The following NPRL3 variants were observed in gnomAD, a reference collection of about 807,000 sequenced individuals.
NPRL3 encodes NPR3 like, GATOR1 complex subunit, also known as GATOR1 complex protein NPRL3.
In NPRL3, 23 loss-of-function variants were observed where a neutral mutation model predicts 57.2. The ratio of observed to expected loss-of-function variants is 0.40; its 90% confidence interval spans 0.29 to 0.57. The LOEUF is 0.57. Among genes scored for constraint, NPRL3 ranks in the 20% least tolerant of loss-of-function variants. NPRL3 has a pLI of 0.42. For missense variants in NPRL3, 691 were observed against 767.1 expected (o/e 0.90, Z 1.17); for synonymous variants, 333 against 321.1 (o/e 1.04, Z -0.39).
At chr16:88,579 C>T in intron 13 of NPRL3, 119 bp downstream of exon 13, 1 of 930,708 alleles carries the variant, frequency 1.1e-6, no homozygotes, top group East Asian at 2.7e-5. Flanking sequence ...GAGACTCCAT[C>T]TCGAACAGGG....
chr16:130,372 C>G, intron 3 of NPRL3, 150 bp downstream of exon 3: 2 of 751,706 alleles, frequency 2.7e-6, no homozygotes, highest in Non-Finnish European at 4.3e-6. Flanking sequence ...CAGTCCTCCA[C>G]TCTACACTAC....
chr16:104,369 G>C (rs1267379240), intron 7 of NPRL3, among the ~76,000 whole-genome samples: 2 of 152,156 alleles, frequency 1.3e-5, no homozygotes, highest in Non-Finnish European at 2.9e-5. Context: ...AGAAACTGGA[G>C]AGAGTTATAG....
chr16:138,079 C>T (rs1215933216), intron 2 of NPRL3, 71 bp downstream of exon 2: 5 of 1,184,924 alleles, frequency 4.2e-6, no homozygotes, highest in Non-Finnish European at 4.9e-6. Flanking sequence ...CGCGAGGCGG[C>T]CCTGGAATGA....
intron 12 of NPRL3, chr16:89,290 C>A (rs139359483): frequency 7.5e-6 from 2 of 266,998 alleles, no homozygotes; most frequent in Middle Eastern, 1.1e-3. Flanking sequence ...TCTTCCACCC[C>A]CTTCCTTCCC....
At chr16:119,986 C>T (rs28403605) in intron 3 of NPRL3, among the ~76,000 whole-genome samples, 1 of 152,268 alleles carries the variant, frequency 6.6e-6, no homozygotes, top group East Asian at 1.9e-4. Context: ...TTTTCAAGGT[C>T]ATCTGTGCCC....
intron 6 of NPRL3, among the ~76,000 whole-genome samples, chr16:111,939 G>A (rs183350): frequency 0.81 from 123,522 of 152,196 alleles, 50,544 homozygotes; most frequent in South Asian, 0.87. Flanking sequence ...GTTTGTTACA[G>A]GTGTCTCTTT....
chr16:135,069 T>A (rs1303864237), intron 2 of NPRL3, among the ~76,000 whole-genome samples: 1 of 152,136 alleles, frequency 6.6e-6, no homozygotes, highest in East Asian at 1.9e-4. Context: ...AAAAAATAGA[T>A]CCAAGTAAAC....
chr16:108,295 G>C (rs1287666892), intron 7 of NPRL3, among the ~76,000 whole-genome samples: 4 of 152,200 alleles, frequency 2.6e-5, no homozygotes, highest in Non-Finnish European at 4.4e-5. Context: ...AGATGCATCA[G>C]TGCATCACAA....
At chr16:119,736 G>A (rs1346864740) in intron 3 of NPRL3, among the ~76,000 whole-genome samples, 1 of 152,258 alleles carries the variant, frequency 6.6e-6, no homozygotes, top group African/African-American at 2.4e-5. Flanking sequence ...AGGGGACAGT[G>A]CACAGGGATG....
intron 13 of NPRL3, among the ~76,000 whole-genome samples, chr16:88,080 T>G (rs1898577885): frequency 6.6e-6 from 1 of 152,144 alleles, no homozygotes; most frequent in Non-Finnish European, 1.5e-5. Context: ...CGGGAAACTA[T>G]GCCCCTGCAC....
chr16:88,935 A>G, intron 12 of NPRL3, 45 bp from the exon 13 acceptor site: 1 of 1,568,966 alleles, frequency 6.4e-7, no homozygotes, highest in East Asian at 2.3e-5. Flanking sequence ...ATTCCAGGAC[A>G]CCCAGGGGAA....
At chr16:109,259 G>A (rs745556976) in intron 7 of NPRL3, among the ~76,000 whole-genome samples, 4 of 152,092 alleles carry the variant, frequency 2.6e-5, no homozygotes, top group Admixed American at 1.3e-4. Context: ...GAGTCACCAC[G>A]CCCGGCCTGC....
chr16:135,479 C>T (rs1443168162), intron 2 of NPRL3, among the ~76,000 whole-genome samples: 1 of 151,896 alleles, frequency 6.6e-6, no homozygotes, highest in African/African-American at 2.4e-5. Context: ...CGTGGTGGCA[C>T]GCACCTGTAA....
At chr16:127,747 C>T (rs546946289) in intron 3 of NPRL3, among the ~76,000 whole-genome samples, 7 of 151,786 alleles carry the variant, frequency 4.6e-5, no homozygotes, top group East Asian at 1.9e-4. Flanking sequence ...CTCCGCCTCC[C>T]GGGTTCACGC....
chr16:100,422 G>C lies in NPRL3; in HGVS notation c.717C>G (p.Ala239=). The change falls in exon 8 of 14, where the codon GCC becomes GCG. Residue 239 remains alanine, a synonymous_variant. Coordinates refer to ENST00000611875, the MANE Select transcript of NPRL3 (RefSeq NM_001077350.3). ...FCLPHKIHYA[A]SSLIPPEAIE... is the part of the protein sequence containing the mutation. Reference sequence around the variant, plus strand: ...TGGCCTCTGGGGGGATCAGACTGGAGGCCGCATAGTGGATCTTGTGGGGCA... The same window carrying C: ...TGGCCTCTGGGGGGATCAGACTGGACGCCGCATAGTGGATCTTGTGGGGCA... 1 of 1,605,008 alleles carries C rather than the reference G, an allele frequency of 6.2e-7. No homozygotes were observed. Among genetic ancestry groups the C allele is most frequent in the South Asian group, 1.1e-5 (1 of 89,542 alleles).
At chr16:129,904 C>T (rs556611235) in intron 3 of NPRL3, among the ~76,000 whole-genome samples, 3 of 152,252 alleles carry the variant, frequency 2.0e-5, no homozygotes, top group Non-Finnish European at 4.4e-5. Context: ...CCTATGTTAC[C>T]ATTTACTATG....
At chr16:96,422 T>C (rs1182435326) in intron 9 of NPRL3, among the ~76,000 whole-genome samples, 3 of 152,070 alleles carry the variant, frequency 2.0e-5, no homozygotes, top group Non-Finnish European at 4.4e-5. Flanking sequence ...TGCAGGGTTG[T>C]ATGGAGTGGT....
intron 3 of NPRL3, among the ~76,000 whole-genome samples, chr16:129,585 G>A (rs1441169900): frequency 6.6e-6 from 1 of 152,154 alleles, no homozygotes; most frequent in Non-Finnish European, 1.5e-5. Context: ...GGGAGGCCAA[G>A]GAAGGAAAAT....
Position 86,247 on chromosome 16 carries a change from C to T in NPRL3, c.*458G>A. On this transcript the variant is annotated 3_prime_UTR_variant, in exon 14 of 14. Coordinates refer to ENST00000611875, the MANE Select transcript of NPRL3 (RefSeq NM_001077350.3). ...AGGTGCTGGGGAGGGGGCCACAGGGCACTTCACAAATAGAAGGCTGTCAGA... is the reference window on the plus strand; with the variant it reads ...AGGTGCTGGGGAGGGGGCCACAGGGTACTTCACAAATAGAAGGCTGTCAGA... The T allele has an allele frequency of 5.4e-6, 1 of 185,256 alleles. No homozygotes were observed. The highest frequency in any genetic ancestry group is 1.1e-5 in the Non-Finnish European group (1 of 89,108). 11.5% of individuals were successfully genotyped at this position (185,256 alleles called of 1,614,324 possible).
Sources: allele counts gnomAD v4.1 joint callset (sites outside exome capture counted in the v4.1 genomes callset), GRCh38; gene constraint gnomAD v4.1.1; transcripts MANE v1.5; gene names NCBI Gene and HGNC (gene_info 2026-07-23, HGNC 2026-07-21).